Variants in RAPGEF2 observed in about 807,000 individuals in gnomAD.
The protein encoded by RAPGEF2 is PDZ domain containing guanine nucleotide exchange factor (GEF) 1.
Under a neutral mutation model 186.7 loss-of-function variants are expected in RAPGEF2, and 54 were observed. The observed-to-expected ratio is 0.29, with a 90% CI of 0.23 to 0.36. The LOEUF (loss-of-function observed/expected upper bound fraction) is 0.36. RAPGEF2 is among the 10% of genes least tolerant of loss of function. The probability of loss-of-function intolerance (pLI) is 1.00; values close to 1 mark genes in which losing one functional copy is unlikely to be tolerated. For missense variants in RAPGEF2, 1,532 were observed against 2,045.0 expected, an observed-to-expected ratio of 0.75 and a Z score of 4.84; for synonymous variants, 712 against 705.9, an observed-to-expected ratio of 1.01 and a Z score of -0.14.
intron 1 of RAPGEF2, among the ~76,000 whole-genome samples, chr4:159,142,424 A>G (rs764605558): frequency 3.9e-5 from 6 of 152,162 alleles, no homozygotes; most frequent in Non-Finnish European, 8.8e-5. Context: ...CAGATGATCA[A>G]ATATTTCATT....
At chr4:159,303,650 T>TC (rs60686320) in intron 7 of RAPGEF2, among the ~76,000 whole-genome samples, 1 of 151,932 alleles carries the variant, frequency 6.6e-6, no homozygotes, top group African/African-American at 2.4e-5. Context: ...TTTTTTTTTT[T>TC]CTAATGCATT....
chr4:159,169,723 AG>A (rs1353784306), intron 1 of RAPGEF2, among the ~76,000 whole-genome samples: 3 of 152,130 alleles, frequency 2.0e-5, no homozygotes, highest in Non-Finnish European at 4.4e-5. Context: ...CATATCCTCC[AG>A]GTTCATTTAT....
chr4:159,279,611 T>C (rs970225793), intron 7 of RAPGEF2, among the ~76,000 whole-genome samples: 1 of 152,218 alleles, frequency 6.6e-6, no homozygotes, highest in African/African-American at 2.4e-5. Flanking sequence ...TTAGCCAGAA[T>C]TGCAAGAATA....
At chr4:159,295,759 G>GCA (rs1561230665) in intron 7 of RAPGEF2, among the ~76,000 whole-genome samples, 8 of 114,244 alleles carry the variant, frequency 7.0e-5, no homozygotes, top group East Asian at 2.1e-4. Context: ...GTGTGTGCGC[G>GCA]CGCGCGCGCG....
intron 1 of RAPGEF2, among the ~76,000 whole-genome samples, chr4:159,179,823 T>C (rs1329631478): frequency 1.3e-5 from 2 of 152,214 alleles, no homozygotes; most frequent in Non-Finnish European, 2.9e-5. Flanking sequence ...CAACTCCTGG[T>C]AGATTTCATT....
chr4:159,355,770 G>A, intron 28 of RAPGEF2, 83 bp from the exon 29 acceptor site: 1 of 1,274,126 alleles, frequency 7.8e-7, no homozygotes, highest in Admixed American at 2.3e-5. Context: ...TGTGGATGCT[G>A]TTTTAGTAAT....
intron 7 of RAPGEF2, among the ~76,000 whole-genome samples, chr4:159,288,441 G>C (rs1760779874): frequency 6.6e-6 from 1 of 152,090 alleles, no homozygotes; most frequent in South Asian, 2.1e-4. Context: ...GTTAGGTTTT[G>C]AAAGGCGATT....
intron 9 of RAPGEF2, among the ~76,000 whole-genome samples, chr4:159,317,688 T>G (rs951274536): frequency 2.6e-5 from 4 of 152,224 alleles, no homozygotes; most frequent in Admixed American, 2.0e-4. Context: ...GCATTTCACG[T>G]TCTCATTCTT....
chr4:159,263,720 C>T (rs1471645328), intron 7 of RAPGEF2, among the ~76,000 whole-genome samples: 1 of 152,032 alleles, frequency 6.6e-6, no homozygotes, highest in Non-Finnish European at 1.5e-5. Flanking sequence ...ACATTGAGAT[C>T]TATGGTTAAA....
intron 7 of RAPGEF2, among the ~76,000 whole-genome samples, chr4:159,253,262 A>G (rs1008674661): frequency 5.9e-5 from 9 of 152,270 alleles, no homozygotes; most frequent in African/African-American, 7.2e-5. Flanking sequence ...AAACCATGTT[A>G]GTGTAACTTG....
chr4:159,325,583 G>A (rs1765811839), intron 11 of RAPGEF2, among the ~76,000 whole-genome samples: 1 of 143,506 alleles, frequency 7.0e-6, no homozygotes, highest in Non-Finnish European at 1.5e-5. Flanking sequence ...TGTCCTTGAC[G>A]AGCAAGTAAA....
chr4:159,193,603 A>G (rs1403812262), intron 3 of RAPGEF2, among the ~76,000 whole-genome samples: 1 of 152,232 alleles, frequency 6.6e-6, no homozygotes, highest in Non-Finnish European at 1.5e-5. Flanking sequence ...TGAAATGTGA[A>G]GATAGCATAA....
At chr4:159,267,988 A>G (rs1757632638) in intron 7 of RAPGEF2, 1 of 1,415,128 alleles carries the variant, frequency 7.1e-7, no homozygotes, top group South Asian at 1.6e-5. Flanking sequence ...TACAAGTGTG[A>G]AGGGTTTTTA....
intron 1 of RAPGEF2, among the ~76,000 whole-genome samples, chr4:159,109,420 C>T (rs1738249090): frequency 6.6e-6 from 1 of 152,260 alleles, no homozygotes; most frequent in East Asian, 1.9e-4. Flanking sequence ...ATGGGGTATT[C>T]CTTCTCTTCA....
intron 4 of RAPGEF2, among the ~76,000 whole-genome samples, chr4:159,222,170 G>A (rs568139328): frequency 2.0e-5 from 3 of 152,252 alleles, no homozygotes; most frequent in African/African-American, 7.2e-5. Flanking sequence ...GAGCAAAGCT[G>A]TTCTCTAGAG....
rs1234828096 is a variant in RAPGEF2 at position 159,343,148 on chromosome 4, C to T, written c.3088C>T (p.Leu1030=). The change falls in exon 21 of 30, where the codon CTA becomes TTA. Residue 1030 remains leucine, a synonymous_variant. Transcript: ENST00000691494. ...AAATCTACAACCTCCCATAATCCCT[C>T]TATTCCCAGTTATCAAAAAGGATCT... ...SQNLQPPIIP[L]FPVIKKDLTF... The T allele has an allele frequency of 1.2e-6, 2 of 1,614,128 alleles. No homozygotes were observed. Among genetic ancestry groups the T allele is most frequent in the Admixed American group, 3.3e-5 (2 of 60,028 alleles).
chr4:159,326,199 T>C (rs1765901125), intron 11 of RAPGEF2, among the ~76,000 whole-genome samples: 1 of 152,200 alleles, frequency 6.6e-6, no homozygotes, highest in Non-Finnish European at 1.5e-5. Flanking sequence ...TGGGATACCA[T>C]TTTAAGGTAT....
rs1265604852 is a variant in RAPGEF2 at position 159,345,107 on chromosome 4, T to C, written c.3280T>C (p.Ser1094Pro). The change falls in exon 24 of 30, where the codon TCT (serine) becomes CCT (proline). Residue 1094 changes from serine to proline, a missense_variant and splice_region_variant. Physicochemically the swap from Ser to Pro is moderately conservative, Grantham distance 74. Coordinates refer to ENST00000691494, the MANE Select transcript of RAPGEF2 (RefSeq NM_001394067.2). The part of the protein sequence containing the change: ...TRKKKWRSLG[S>P]LSQGSTNATV... ...CATATGTACCTTTTCATCTTCCAGG[T>C]CTCTCAGCCAGGGTAGTACAAATGC... The C allele has an allele frequency of 6.2e-7, 1 of 1,612,960 alleles. No homozygotes were observed. Among genetic ancestry groups the C allele is most frequent in the Non-Finnish European group, 8.5e-7 (1 of 1,178,978 alleles).
In RAPGEF2 at chr4:159,353,680, A is replaced by G; in HGVS notation, c.4285A>G (p.Ser1429Gly). The G allele has an allele frequency of 6.3e-7, 1 of 1,589,506 alleles. No homozygotes were observed. The highest frequency in any genetic ancestry group is 1.2e-5 in the South Asian group (1 of 86,156). Residue 1429 changes from serine to glycine, a missense_variant, in exon 28 of 30, where the codon AGC becomes GGC. By Grantham distance (56) the Ser-to-Gly change is moderately conservative (BLOSUM62 0). Coordinates refer to ENST00000691494, the MANE Select transcript of RAPGEF2 (RefSeq NM_001394067.2). The surrounding 1 kb of genome is among the most constrained non-coding windows in gnomAD (Gnocchi z 4.3). ...TATACAGACGATCCAGCACCAGAGA[A>G]GCTGGGAGACTCTTCCATTCGGGCA... ...DNIQTIQHQR[S>G]WETLPFGHTH...
Sources: allele counts gnomAD v4.1 joint callset (sites outside exome capture counted in the v4.1 genomes callset), GRCh38; gene constraint gnomAD v4.1.1; non-coding constraint Gnocchi (gnomAD v3.1); transcripts MANE v1.5; gene names NCBI Gene and HGNC (gene_info 2026-07-23, HGNC 2026-07-21).